SCD: variants seen among roughly 807,000 people sequenced by gnomAD.
SCD encodes acyl-CoA desaturase.
Under a neutral mutation model 35.7 loss-of-function variants are expected in SCD, and 4 were observed. That is an observed-to-expected ratio of 0.11 (90% confidence interval 0.06 to 0.26). The LOEUF (loss-of-function observed/expected upper bound fraction) is 0.26, where lower values mean the gene tolerates loss of function less well. Ranked by LOEUF, SCD falls within the 10% of genes least tolerant of loss-of-function variation. The pLI is 1.00. For synonymous variants in SCD, 150 were observed against 170.2 expected, an observed-to-expected ratio of 0.88 and a Z score of 0.92; for missense variants, 282 against 460.7, an observed-to-expected ratio of 0.61 and a Z score of 3.55.
chr10:100,357,817 C>A (rs992353777), intron 5 of SCD, among the ~76,000 whole-genome samples: 2 of 152,016 alleles, frequency 1.3e-5, no homozygotes, highest in African/African-American at 4.8e-5. Context: ...CACCAAGGCC[C>A]TGAATGAATT....
Position 100,360,926 on chromosome 10 carries a change from G to C in SCD, c.1073G>C (p.Ser358Thr), listed in dbSNP as rs559109751. ...AGAACCGGAGATGGAAACTACAAGAGTGGCTGAGTTTGGGGTCCCTCAGGT... is the reference window on the plus strand; with the variant it reads ...AGAACCGGAGATGGAAACTACAAGACTGGCTGAGTTTGGGGTCCCTCAGGT... ...IKRTGDGNYKSG is the reference protein window; with the variant it reads ...IKRTGDGNYKTG The change falls in exon 6 of 6, where the codon AGT becomes ACT. Residue 358 changes from serine to threonine, a missense_variant. By Grantham distance (58) the Ser-to-Thr change is moderately conservative (BLOSUM62 1). This residue lies in a region of SCD where 205 missense variants were observed against 372.3 expected (regional missense o/e 0.55). Coordinates refer to ENST00000370355, the MANE Select transcript of SCD (RefSeq NM_005063.5). The C allele has an allele frequency of 1.2e-6, 2 of 1,613,936 alleles. No individual in the cohort carries two copies. Among genetic ancestry groups the C allele is most frequent in the South Asian group, 1.1e-5 (1 of 91,072 alleles).
At chr10:100,349,156 C>T (rs1021354699) in intron 2 of SCD, among the ~76,000 whole-genome samples, 1 of 152,160 alleles carries the variant, frequency 6.6e-6, no homozygotes, top group Non-Finnish European at 1.5e-5. Flanking sequence ...GAGGCCAGGC[C>T]AGAAAAGAGA....
rs752736513 is a variant in SCD at position 100,354,547 on chromosome 10, C to T, written c.562C>T (p.Arg188Cys). Residue 188 changes from arginine to cysteine, a missense_variant, in exon 4 of 6, where the codon CGC (arginine) becomes TGC (cysteine). Transcript: ENST00000370355. ...CTCTCACGTGGGTTGGCTGCTTGTG[C>T]GCAAACACCCAGCTGTCAAAGAGAA... ...FFSHVGWLLV[R>C]KHPAVKEKGS... 6 of 1,613,974 alleles carry T rather than the reference C, an allele frequency of 3.7e-6. No individual in the cohort carries two copies. Among genetic ancestry groups the T allele is most frequent in the Non-Finnish European group, 5.1e-6 (6 of 1,179,994 alleles).
At chr10:100,358,747 TAAAA>T (rs11381871) in intron 5 of SCD, among the ~76,000 whole-genome samples, 1 of 112,902 alleles carries the variant, frequency 8.9e-6, no homozygotes, top group African/African-American at 3.5e-5. Context: ...TGTCTCTACT[TAAAA>T]AAAAAAAAAA....
At position 100,364,210 on chromosome 10, in the gene SCD, T is replaced by C. The variant is rs1323400678; in HGVS notation, c.*3277T>C. 6.6e-6 allele frequency: 1 copy of C among 151,854 alleles called. No individual in the cohort carries two copies. Among genetic ancestry groups the C allele is most frequent in the African/African-American group, 2.4e-5 (1 of 41,286 alleles). 9.4% of individuals were successfully genotyped at this position (151,854 alleles called of 1,614,324 possible). ...GCTAGTATCTTGGGTGTATTCTCTG[T>C]AAGTGTAGCTCAAATAGGTCATCAT... On this transcript the variant is annotated 3_prime_UTR_variant, in exon 6 of 6. Transcript: ENST00000370355.
At chr10:100,349,467 G>C (rs1449336379) in intron 2 of SCD, among the ~76,000 whole-genome samples, 1 of 152,234 alleles carries the variant, frequency 6.6e-6, no homozygotes, top group Non-Finnish European at 1.5e-5. Flanking sequence ...TAGTTATGCA[G>C]AAGGGCTGGT....
At chr10:100,357,429 AG>A (rs1216470571) in intron 5 of SCD, among the ~76,000 whole-genome samples, 1 of 152,022 alleles carries the variant, frequency 6.6e-6, no homozygotes, top group Non-Finnish European at 1.5e-5. Flanking sequence ...GCCATTATGA[AG>A]GGCATCAAAA....
At chr10:100,359,401 C>G (rs1564626696) in intron 5 of SCD, among the ~76,000 whole-genome samples, 2 of 152,144 alleles carry the variant, frequency 1.3e-5, no homozygotes, top group Non-Finnish European at 2.9e-5. Flanking sequence ...TTGCAAAGTC[C>G]TGTCTTCTTT....
rs1849932405 is a variant in SCD at position 100,356,717 on chromosome 10, A to G, written c.833A>G (p.Lys278Arg). Residue 278 changes from lysine (K) to arginine (R), a missense_variant, in exon 5 of 6, where the codon AAG becomes AGG. Physicochemically the swap from Lys to Arg is conservative, Grantham distance 26. This residue lies in a region of SCD where 205 missense variants were observed against 372.3 expected (regional missense o/e 0.55). Coordinates refer to ENST00000370355, the MANE Select transcript of SCD (RefSeq NM_005063.5). This position sits in a 1 kb window ranked among gnomAD's most constrained non-coding sequence, Gnocchi z 4.1. ...CTCTTCGGATATCGTCCTTATGACA[A>G]GAACATTAGCCCCCGGGAGAATATC... is the stretch of plus-strand genomic sequence containing the variant. ...AHLFGYRPYD[K>R]NISPRENILV... 2 of 1,614,272 alleles carry G rather than the reference A, an allele frequency of 1.2e-6. No individual in the cohort carries two copies. The highest frequency in any genetic ancestry group is 1.6e-4 in the Middle Eastern group (1 of 6,062).
chr10:100,361,169 T>C lies in SCD; in HGVS notation c.*236T>C, dbSNP rs1849986335. The stretch of plus-strand genomic sequence containing the variant: ...CTCTCTTCTAGGCCCATTGTCCTCC[T>C]TTTCACTTTATTGCTATCGCCCTCC... On this transcript the variant is annotated 3_prime_UTR_variant, in exon 6 of 6. Coordinates refer to ENST00000370355, the MANE Select transcript of SCD (RefSeq NM_005063.5). 1 of 521,138 alleles carries C rather than the reference T, an allele frequency of 1.9e-6. No individual in the cohort carries two copies. The allele number at this position is 521,138 out of a possible 1,614,324, so 32.3% of individuals were successfully genotyped here. A position where few individuals can be genotyped will look rare whatever the true frequency, so the allele number is the denominator to read the frequency against.
chr10:100,354,674 C>T (rs1849909119), intron 4 of SCD, 42 bp downstream of exon 4: 2 of 1,516,604 alleles, frequency 1.3e-6, no homozygotes, highest in Non-Finnish European at 1.8e-6. Context: ...GGCCCTGGCA[C>T]CTGGTCATTA....
intron 2 of SCD, among the ~76,000 whole-genome samples, chr10:100,349,508 C>T (rs999016297): frequency 2.0e-5 from 3 of 152,186 alleles, no homozygotes; most frequent in African/African-American, 7.2e-5. Flanking sequence ...CCCTCAGGAC[C>T]TCTTAGGTCT....
chr10:100,356,846 A>C lies in SCD; in HGVS notation c.880+82A>C. ...GCTAGGAGCCAGAAAAACTAGATAA[A>C]TCTGTTTTTTATGGCTACTTTGTAT... On this transcript the variant is annotated intron_variant, in intron 5 of 5. Coordinates refer to ENST00000370355, the MANE Select transcript of SCD (RefSeq NM_005063.5). This position sits in a 1 kb window ranked among gnomAD's most constrained non-coding sequence, Gnocchi z 4.1. The C allele has an allele frequency of 2.6e-6, 3 of 1,140,846 alleles. No homozygotes were observed. Among genetic ancestry groups the C allele is most frequent in the Non-Finnish European group, 3.9e-6 (3 of 778,538 alleles). 70.7% of individuals were successfully genotyped at this position (1,140,846 alleles called of 1,614,324 possible). A position where few individuals can be genotyped will look rare whatever the true frequency, so the allele number is the denominator to read the frequency against.
In SCD at chr10:100,364,249, A is replaced by AC. The variant is rs1381377732; in HGVS notation, c.*3316_*3317insC. ...ATAGGTCATCATGAAAGGTTAAAAA[A>AC]GCGAGGTGGCCATGTTATGCTGGTG... On this transcript the variant is annotated 3_prime_UTR_variant, in exon 6 of 6. Coordinates refer to ENST00000370355, the MANE Select transcript of SCD (RefSeq NM_005063.5). The AC allele has an allele frequency of 6.6e-6, 1 of 152,288 alleles. No homozygotes were observed. Among genetic ancestry groups the AC allele is most frequent in the Non-Finnish European group, 1.5e-5 (1 of 68,044 alleles). The allele number at this position is 152,288 out of a possible 1,614,324, so 9.4% of individuals were successfully genotyped here.
rs376305234 is a variant in SCD, at chr10:100,353,343, T to C, written c.441+847T>C. Reference sequence around the variant, plus strand: ...GCTCACGCCTGTAATCTCAGAACTTTGGGAGGCCGAGGTGGGCAGATCACA... The same window carrying C: ...GCTCACGCCTGTAATCTCAGAACTTCGGGAGGCCGAGGTGGGCAGATCACA... On this transcript the variant is annotated intron_variant, in intron 3 of 5. Coordinates refer to ENST00000370355, the MANE Select transcript of SCD (RefSeq NM_005063.5). Among the ~76,000 whole-genome samples, 55 of 152,230 alleles carry C rather than the reference T, an allele frequency of 3.6e-4. 2 individuals carry two copies. The South Asian group carries it at 0.011, about 32-fold the overall frequency.
At position 100,348,209 on chromosome 10, in the gene SCD, C is replaced by T. The variant is rs200198523; in HGVS notation, c.173C>T (p.Thr58Ile). Residue 58 changes from threonine (T) to isoleucine (I), a missense_variant, in exon 2 of 6, where the codon ACC becomes ATC. By Grantham distance (89) the Thr-to-Ile change is moderately conservative (BLOSUM62 -1). Around this residue, in one of 2 missense-constraint regions of SCD, gnomAD observed 77 missense variants for 88.4 expected, o/e 0.87. Coordinates refer to ENST00000370355, the MANE Select transcript of SCD (RefSeq NM_005063.5). ...ATAAAAGATGATATATATGACCCCA[C>T]CTACAAGGATAAGGAAGGCCCAAGC... ...PDIKDDIYDPTYKDKEGPSPK... is the reference protein window; with the variant it reads ...PDIKDDIYDPIYKDKEGPSPK... The T allele has an allele frequency of 1.9e-6, 3 of 1,614,002 alleles. No individual in the cohort carries two copies. The highest frequency in any genetic ancestry group is 1.1e-5 in the South Asian group (1 of 91,082).
chr10:100,352,313 C>T lies in SCD; in HGVS notation c.311-53C>T, dbSNP rs929835356. On this transcript the variant is annotated intron_variant, in intron 2 of 5. Coordinates refer to ENST00000370355, the MANE Select transcript of SCD (RefSeq NM_005063.5). This position sits in a 1 kb window ranked among gnomAD's most constrained non-coding sequence, Gnocchi z 4.2. ...CCAGAGAGTGTCTCTGGCATCCTTT[C>T]CCAGATGGAACTCACACTGATTGGT... 2.5e-6 allele frequency: 4 copies of T among 1,584,296 alleles called. No homozygotes were observed. The highest frequency in any genetic ancestry group is 1.3e-5 in the African/African-American group (1 of 74,396).
rs1309406848 is a variant in SCD, at chr10:100,356,386, C to T, written c.648-146C>T. 1 of 693,754 alleles carries T rather than the reference C, an allele frequency of 1.4e-6. No individual in the cohort carries two copies. Among genetic ancestry groups the T allele is most frequent in the Non-Finnish European group, 2.5e-6 (1 of 403,786 alleles). The allele number at this position is 693,754 out of a possible 1,614,324, so 43.0% of individuals were successfully genotyped here. A position where few individuals can be genotyped will look rare whatever the true frequency, so the allele number is the denominator to read the frequency against. On this transcript the variant is annotated intron_variant, in intron 4 of 5. Transcript: ENST00000370355. The surrounding 1 kb of genome is among the most constrained non-coding windows in gnomAD (Gnocchi z 4.1). ...GTGAGACCCTGTCAAAAAAAACAAA[C>T]AAAAATAAATAAAACAATGAACTTA...
Position 100,363,456 on chromosome 10 carries a change from C to A in SCD, c.*2523C>A, listed in dbSNP as rs769262852. On this transcript the variant is annotated 3_prime_UTR_variant, in exon 6 of 6. Coordinates refer to ENST00000370355, the MANE Select transcript of SCD (RefSeq NM_005063.5). ...GCATCCTTGTCTTTTGAGCTATTCA[C>A]CTCAGTAGAAAAGGATCTAAGGGAA... The A allele has an allele frequency of 1.3e-5, 2 of 152,186 alleles. No individual in the cohort carries two copies. Among genetic ancestry groups the A allele is most frequent in the African/African-American group, 4.8e-5 (2 of 41,440 alleles). The allele number at this position is 152,186 out of a possible 1,614,324, so 9.4% of individuals were successfully genotyped here.
Sources: gnomAD v4.1 joint callset for allele counts (sites outside exome capture counted in the v4.1 genomes callset) on GRCh38, gnomAD v4.1.1 for gene constraint, gnomAD v4.1.1 regional missense constraint, Gnocchi (gnomAD v3.1) non-coding constraint, MANE v1.5 for transcripts, NCBI Gene and HGNC (gene_info 2026-07-23, HGNC 2026-07-21) for gene names.